CNTNAP5: variants seen among roughly 807,000 people sequenced by gnomAD.
The protein encoded by CNTNAP5 is contactin associated protein family member 5, also known as contactin-associated protein-like 5.
Under a neutral mutation model 150.2 loss-of-function variants are expected in CNTNAP5, and 72 were observed. The ratio of observed to expected loss-of-function variants is 0.48; its 90% CI spans 0.40 to 0.58. CNTNAP5 has a LOEUF of 0.58. Among genes scored for constraint, CNTNAP5 ranks in the 20% least tolerant of loss-of-function variants. The pLI, the probability that CNTNAP5 is intolerant of heterozygous loss-of-function variation, is 0.00. For synonymous variants in CNTNAP5, 672 were observed against 619.8 expected, an observed-to-expected ratio of 1.08 and a Z score of -1.25; for missense variants, 1,636 against 1,626.2, an observed-to-expected ratio of 1.01 and a Z score of -0.10.
At chr2:124,856,212 T>A (rs1677370552) in intron 19 of CNTNAP5, among the ~76,000 whole-genome samples, 2 of 152,012 alleles carry the variant, frequency 1.3e-5, no homozygotes, top group South Asian at 4.2e-4. Flanking sequence ...CATGCACACA[T>A]ACCACAATTT....
chr2:124,308,908 C>T (rs534194864), intron 3 of CNTNAP5, among the ~76,000 whole-genome samples: 2 of 152,070 alleles, frequency 1.3e-5, no homozygotes, highest in Non-Finnish European at 2.9e-5. Context: ...TACAACTCAC[C>T]AGTCAAGCTG....
intron 1 of CNTNAP5, among the ~76,000 whole-genome samples, chr2:124,168,905 A>G (rs1684866770): frequency 2.6e-5 from 4 of 152,136 alleles, no homozygotes; most frequent in Non-Finnish European, 4.4e-5. Flanking sequence ...TGTAAACTTT[A>G]AAAAAATTCA....
intron 6 of CNTNAP5, among the ~76,000 whole-genome samples, chr2:124,457,205 T>A (rs951330940): frequency 6.6e-6 from 1 of 152,108 alleles, no homozygotes; most frequent in African/African-American, 2.4e-5. Flanking sequence ...TTCTAGAAGA[T>A]AACATTGGAA....
In CNTNAP5 at chr2:124,677,340, T is replaced by C. The variant is rs1678965602; in HGVS notation, c.2077+29382T>C. On this transcript the variant is annotated intron_variant, in intron 13 of 23. Coordinates refer to ENST00000682447, the MANE Select transcript of CNTNAP5 (RefSeq NM_001367498.1). Reference sequence around the variant, plus strand: ...TGAGTGTTACAGCTCATAAAGGTAGTGTGGACCTAAAGAGTAAGCAGCAGC... The same window carrying C: ...TGAGTGTTACAGCTCATAAAGGTAGCGTGGACCTAAAGAGTAAGCAGCAGC... 2.6e-5 allele frequency among the ~76,000 whole-genome samples: 4 copies of C among 152,168 alleles called. No individual in the cohort carries two copies. In the South Asian group the frequency reaches 8.3e-4, roughly 32 times the overall value.
At chr2:124,073,540 CT>C (rs1682363527) in intron 1 of CNTNAP5, among the ~76,000 whole-genome samples, 1 of 151,892 alleles carries the variant, frequency 6.6e-6, no homozygotes, top group Admixed American at 6.6e-5. Context: ...TCTGAATAGA[CT>C]TTTCTCAGAT....
In CNTNAP5 at chr2:124,275,486, C is replaced by CA. The variant is rs111520969; in HGVS notation, c.381+33101dup. Among the ~76,000 whole-genome samples, 188 of 151,950 alleles carry CA rather than the reference C, an allele frequency of 1.2e-3. 1 individual carries two copies. Among genetic ancestry groups the CA allele is most frequent in the East Asian group, 3.7e-3 (19 of 5,158 alleles). ...TAAATCCATATTTTCAAATCCAGCA[C>CA]AAAAAAAATCTACTGCATGGGCCCA... is the stretch of plus-strand genomic sequence containing the variant. On this transcript the variant is annotated intron_variant, in intron 3 of 23. Coordinates refer to ENST00000682447, the MANE Select transcript of CNTNAP5 (RefSeq NM_001367498.1).
At chr2:124,084,582 C>T (rs1030076704) in intron 1 of CNTNAP5, among the ~76,000 whole-genome samples, 7 of 151,704 alleles carry the variant, frequency 4.6e-5, no homozygotes, top group African/African-American at 1.7e-4. Context: ...AGATTCTTGA[C>T]TTATTGCATT....
intron 11 of CNTNAP5, among the ~76,000 whole-genome samples, chr2:124,567,023 G>A (rs1309441118): frequency 6.6e-6 from 1 of 152,122 alleles, no homozygotes; most frequent in African/African-American, 2.4e-5. Context: ...CAAACTCTTT[G>A]GATTAATAAA....
chr2:124,560,557 C>A (rs1017268227), intron 10 of CNTNAP5, among the ~76,000 whole-genome samples: 5 of 148,666 alleles, frequency 3.4e-5, no homozygotes, highest in Non-Finnish European at 7.5e-5. Flanking sequence ...GAAAACGTTT[C>A]TTTTTCTTTT....
At chr2:124,337,182 G>C (rs578250826) in intron 3 of CNTNAP5, among the ~76,000 whole-genome samples, 1 of 152,258 alleles carries the variant, frequency 6.6e-6, no homozygotes, top group South Asian at 2.1e-4. Flanking sequence ...TTTGAGAAGT[G>C]TCTGTTCATA....
intron 12 of CNTNAP5, among the ~76,000 whole-genome samples, chr2:124,628,989 C>G (rs4848953): frequency 0.52 from 79,549 of 151,920 alleles, 21,954 homozygotes; most frequent in Non-Finnish European, 0.62. Context: ...CATGCTGAAG[C>G]GTTCAATTCA....
At chr2:124,471,988 T>G (rs1302466002) in intron 6 of CNTNAP5, among the ~76,000 whole-genome samples, 1 of 152,124 alleles carries the variant, frequency 6.6e-6, no homozygotes, top group African/African-American at 2.4e-5. Context: ...TCATTGGTAA[T>G]TTAAAATTTT....
intron 1 of CNTNAP5, among the ~76,000 whole-genome samples, chr2:124,142,673 T>C (rs375008098): frequency 5.6e-5 from 7 of 125,030 alleles, no homozygotes; most frequent in African/African-American, 9.5e-5. Context: ...ACTAAATGCC[T>C]ACAAGAGAAA....
chr2:124,212,931 C>A (rs1035422990), intron 1 of CNTNAP5, among the ~76,000 whole-genome samples: 2 of 148,478 alleles, frequency 1.3e-5, no homozygotes, highest in African/African-American at 2.5e-5. Context: ...CTCCGCCTGC[C>A]GGATTCATGC....
rs550586961 is a variant in CNTNAP5 at position 124,714,092 on chromosome 2, A to G, written c.2078-33137A>G. Among the ~76,000 whole-genome samples the G allele has an allele frequency of 4.6e-5, 7 of 152,116 alleles. No homozygotes were observed. The South Asian group carries it at 1.5e-3, about 32-fold the overall frequency. On this transcript the variant is annotated intron_variant, in intron 13 of 23. Coordinates refer to ENST00000682447, the MANE Select transcript of CNTNAP5 (RefSeq NM_001367498.1). ...CCTCTAGGTTTTCTTCACTGACATC[A>G]TTCTGAGTTTGCTGAGCTTCATTTT... is the stretch of plus-strand genomic sequence containing the variant.
chr2:124,330,746 A>C (rs1689330704), intron 3 of CNTNAP5, among the ~76,000 whole-genome samples: 1 of 150,704 alleles, frequency 6.6e-6, no homozygotes, highest in Admixed American at 6.6e-5. Context: ...CAATACAAAT[A>C]ATTTCCAAAT....
chr2:124,432,075 G>A (rs1293786816), intron 4 of CNTNAP5, among the ~76,000 whole-genome samples: 1 of 152,178 alleles, frequency 6.6e-6, no homozygotes, highest in East Asian at 1.9e-4. Context: ...GAGTGGACAG[G>A]ATGTATATAA....
At chr2:124,683,861 A>G (rs1679125836) in intron 13 of CNTNAP5, among the ~76,000 whole-genome samples, 1 of 152,198 alleles carries the variant, frequency 6.6e-6, no homozygotes, top group South Asian at 2.1e-4. Context: ...TTGCCTGACT[A>G]ATCATTTTAC....
chr2:124,719,496 T>A (rs188619085), intron 13 of CNTNAP5, among the ~76,000 whole-genome samples: 68 of 152,286 alleles, frequency 4.5e-4, no homozygotes, highest in Admixed American at 4.3e-3. Context: ...GAAGAGATTA[T>A]TCATTCTGAG....
Sources: gnomAD v4.1 joint callset for allele counts (sites outside exome capture counted in the v4.1 genomes callset) on GRCh38, gnomAD v4.1.1 for gene constraint, MANE v1.5 for transcripts, NCBI Gene and HGNC (gene_info 2026-07-23, HGNC 2026-07-21) for gene names.